The following ATXN7L3 variants were observed in gnomAD, a reference collection of about 807,000 sequenced individuals.
ATXN7L3 encodes the protein ataxin 7 like 3, also known as ataxin-7-like protein 3.
In ATXN7L3, 6 loss-of-function variants were observed where a neutral mutation model predicts 50.0. The observed-to-expected ratio is 0.12, with a 90% confidence interval of 0.07 to 0.24. ATXN7L3 has a LOEUF of 0.24. Ranked by LOEUF, ATXN7L3 falls within the 10% of genes least tolerant of loss-of-function variation. The pLI is 1.00. For missense variants in ATXN7L3, 322 were observed against 451.3 expected (o/e 0.71, Z 2.60); for synonymous variants, 198 against 165.8 (o/e 1.19, Z -1.49).
At chr17:44,196,843 G>A in intron 5 of ATXN7L3, 86 bp downstream of exon 5, 2 of 860,080 alleles carry the variant, frequency 2.3e-6, no homozygotes, top group Non-Finnish European at 1.9e-6. Context: ...CATCATTCAA[G>A]GCAACAATTT....
Position 44,192,682 on chromosome 17 carries a change from A to T in ATXN7L3, c.*1581T>A, listed in dbSNP as rs967517437. On this transcript the variant is annotated 3_prime_UTR_variant, in exon 13 of 13. Coordinates refer to ENST00000587097, the MANE Select transcript of ATXN7L3 (RefSeq NM_001382309.1). ...AAAATAATCACAATTTGTGGGTTAA[A>T]AACCAATTTGCAACCAGGCATGAGC... 2 of 152,200 alleles carry T rather than the reference A, an allele frequency of 1.3e-5. No individual in the cohort carries two copies. Among genetic ancestry groups the T allele is most frequent in the African/African-American group, 4.8e-5 (2 of 41,456 alleles). 9.4% of individuals were successfully genotyped at this position (152,200 alleles called of 1,614,324 possible).
Position 44,199,727 on chromosome 17 carries a change from A to C in ATXN7L3, c.-292T>G, listed in dbSNP as rs1457785726. On this transcript the variant is annotated 5_prime_UTR_variant, in exon 1 of 13. Coordinates refer to ENST00000587097, the MANE Select transcript of ATXN7L3 (RefSeq NM_001382309.1). ...GTCCCGTCGCCGCCTCCTCCTCCTC[A>C]CCTCACCCCGCCCGCGCGCAGTCCG... is the stretch of plus-strand genomic sequence containing the variant. 15 of 81,372 alleles carry C rather than the reference A, an allele frequency of 1.8e-4. No homozygotes were observed. The highest frequency in any genetic ancestry group is 3.7e-4 in the East Asian group (1 of 2,710). The allele number at this position is 81,372 out of a possible 1,614,324, so 5.0% of individuals were successfully genotyped here. A position where few individuals can be genotyped will look rare whatever the true frequency, so the allele number is the denominator to read the frequency against.
In ATXN7L3 at chr17:44,194,069, G is replaced by A; in HGVS notation, c.*194C>T. The A allele has an allele frequency of 3.0e-6, 2 of 669,474 alleles. No individual in the cohort carries two copies. The highest frequency in any genetic ancestry group is 5.0e-6 in the Non-Finnish European group (2 of 397,570). 41.5% of individuals were successfully genotyped at this position (669,474 alleles called of 1,614,324 possible). ...ATATGTCCAGGTCTGAGTCCTGCAC[G>A]CCGAGGAGTCGTGCTCCATTGCAGA... On this transcript the variant is annotated 3_prime_UTR_variant, in exon 13 of 13. Transcript: ENST00000587097.
At chr17:44,197,169 C>T in intron 4 of ATXN7L3, 59 bp downstream of exon 4, 2 of 1,568,970 alleles carry the variant, frequency 1.3e-6, no homozygotes, top group Middle Eastern at 2.1e-4. Flanking sequence ...TTCCCAATGC[C>T]CCCGGGGGAC....
intron 6 of ATXN7L3, 147 bp from the exon 7 acceptor site, chr17:44,196,226 T>TCCCCCCC: frequency 1.4e-6 from 1 of 737,704 alleles, no homozygotes; most frequent in Non-Finnish European, 2.1e-6. Flanking sequence ...CCATGTGCCC[T>TCCCCCCC]CCCCCACCCC....
At position 44,192,715 on chromosome 17, in the gene ATXN7L3, A is replaced by G. The variant is rs2055737777; in HGVS notation, c.*1548T>C. 1 of 152,272 alleles carries G rather than the reference A, an allele frequency of 6.6e-6. No individual in the cohort carries two copies. Among genetic ancestry groups the G allele is most frequent in the Non-Finnish European group, 1.5e-5 (1 of 68,066 alleles). 9.4% of individuals were successfully genotyped at this position (152,272 alleles called of 1,614,324 possible). A position where few individuals can be genotyped will look rare whatever the true frequency, so the allele number is the denominator to read the frequency against. On this transcript the variant is annotated 3_prime_UTR_variant, in exon 13 of 13. Transcript: ENST00000587097. ...TTGCAACCAGGCATGAGCCACAATC[A>G]GAACCACCCCAGCGGGAGAGCGGAG...
intron 9 of ATXN7L3, 70 bp from the exon 10 acceptor site, chr17:44,195,210 G>C (rs150938582): frequency 6.5e-7 from 1 of 1,534,502 alleles, no homozygotes; most frequent in African/African-American, 1.4e-5. Context: ...GTTTCTTTCT[G>C]TATAAATGCT....
At chr17:44,195,692 G>A (rs1470169506) in intron 8 of ATXN7L3, 108 bp downstream of exon 8, 1 of 1,293,850 alleles carries the variant, frequency 7.7e-7, no homozygotes, top group Non-Finnish European at 1.1e-6. Context: ...GATCCAAATA[G>A]CTCATCAGTG....
chr17:44,196,188 C>T, intron 6 of ATXN7L3, 109 bp from the exon 7 acceptor site: 3 of 1,372,468 alleles, frequency 2.2e-6, no homozygotes, highest in Non-Finnish European at 3.1e-6. Flanking sequence ...AATTCCTACT[C>T]TTCCTCCCCA....
At chr17:44,196,115 T>TA in intron 6 of ATXN7L3, 36 bp from the exon 7 acceptor site, 1 of 1,603,178 alleles carries the variant, frequency 6.2e-7, no homozygotes, top group Non-Finnish European at 8.5e-7. Flanking sequence ...GGGGAAAGGG[T>TA]AACGAAAAGG....
chr17:44,197,966 C>T, intron 2 of ATXN7L3, 54 bp downstream of exon 2: 8 of 1,584,942 alleles, frequency 5.0e-6, no homozygotes, highest in East Asian at 2.2e-5. Context: ...CCAGATACAG[C>T]GACGTAGAGA....
chr17:44,198,452 G>A (rs1388950848), intron 1 of ATXN7L3: 3 of 207,122 alleles, frequency 1.4e-5, no homozygotes, highest in Non-Finnish European at 2.9e-5. Flanking sequence ...GGAGGAGAAG[G>A]AACTCCAAGG....
chr17:44,195,543 G>C (rs2055853641), intron 8 of ATXN7L3, 56 bp from the exon 9 acceptor site: 1 of 1,538,974 alleles, frequency 6.5e-7, no homozygotes, highest in Non-Finnish European at 9.0e-7. Flanking sequence ...GAGAAGGACA[G>C]GGGTGGAAGT....
At position 44,195,786 on chromosome 17, in the gene ATXN7L3, C is replaced by G; in HGVS notation, c.552+14G>C. The G allele has an allele frequency of 1.9e-6, 3 of 1,599,246 alleles. No homozygotes were observed. Among genetic ancestry groups the G allele is most frequent in the Non-Finnish European group, 2.6e-6 (3 of 1,166,836 alleles). ...GGACAATGAGAGCAAGCATGAGGGG[C>G]GGCCCATACTCACCTTAAAAGGATC... is the stretch of plus-strand genomic sequence containing the variant. On this transcript the variant is annotated intron_variant, in intron 8 of 12. Transcript: ENST00000587097.
chr17:44,198,140 CGGGGGT>C lies in ATXN7L3; in HGVS notation c.-60-16_-60-11del. 3 of 1,499,170 alleles carry C rather than the reference CGGGGGT, an allele frequency of 2.0e-6. No individual in the cohort carries two copies. Among genetic ancestry groups the C allele is most frequent in the Non-Finnish European group, 2.8e-6 (3 of 1,081,988 alleles). The allele number at this position is 1,499,170 out of a possible 1,614,324, so 92.9% of individuals were successfully genotyped here. ...GCGGGCGGCAACACGGCTGCACACACGGGGGTGGGGGTGTTGTTGTGAGTCCAAGGC... is the reference window on the plus strand; with the variant it reads ...GCGGGCGGCAACACGGCTGCACACACGGGGGTGTTGTTGTGAGTCCAAGGC... On this transcript the variant is annotated splice_polypyrimidine_tract_variant and intron_variant, in intron 1 of 12. Coordinates refer to ENST00000587097, the MANE Select transcript of ATXN7L3 (RefSeq NM_001382309.1).
At chr17:44,197,113 A>C in intron 4 of ATXN7L3, 87 bp from the exon 5 acceptor site, 10 of 1,549,808 alleles carry the variant, frequency 6.5e-6, no homozygotes, top group Non-Finnish European at 8.9e-6. Flanking sequence ...CCAACTTCAG[A>C]AGCAGGTGGA....
rs1250520179 is a variant in ATXN7L3, at chr17:44,197,221, C to G, written c.356+7G>C. On this transcript the variant is annotated splice_region_variant and intron_variant, in intron 4 of 12. Transcript: ENST00000587097. Reference sequence around the variant, plus strand: ...CTGCAGAGAACGGGCAGCTCTGGTTCCCTCACCGGCGGTTGGCGATTCGGC... The same window carrying G: ...CTGCAGAGAACGGGCAGCTCTGGTTGCCTCACCGGCGGTTGGCGATTCGGC... 6.3e-7 allele frequency: 1 copy of G among 1,586,346 alleles called. No individual in the cohort carries two copies. Among genetic ancestry groups the G allele is most frequent in the Admixed American group, 1.7e-5 (1 of 58,580 alleles).
chr17:44,194,504 C>T lies in ATXN7L3; in HGVS notation c.895+13G>A, dbSNP rs376483006. 6.2e-7 allele frequency: 1 copy of T among 1,613,400 alleles called. No homozygotes were observed. Among genetic ancestry groups the T allele is most frequent in the African/African-American group, 1.3e-5 (1 of 74,926 alleles). ...TGGGCACAGAGCCCCTAGGGCCCAACTGCATCACGTACCTAGACCCCATCC... is the reference window on the plus strand; with the variant it reads ...TGGGCACAGAGCCCCTAGGGCCCAATTGCATCACGTACCTAGACCCCATCC... On this transcript the variant is annotated intron_variant, in intron 12 of 12. Coordinates refer to ENST00000587097, the MANE Select transcript of ATXN7L3 (RefSeq NM_001382309.1).
chr17:44,197,020 G>A lies in ATXN7L3; in HGVS notation c.363C>T (p.Ala121=), dbSNP rs1393870818. The change falls in exon 5 of 13, where the codon GCC becomes GCT. Residue 121 remains alanine (A), a synonymous_variant. Coordinates refer to ENST00000587097, the MANE Select transcript of ATXN7L3 (RefSeq NM_001382309.1). ...NSSRIANRRI[A]NSNNMNKSES... is the part of the protein sequence containing the mutation. ...CAGACTTATTCATATTGTTGCTATT[G>A]GCAATCCTGCCAAGGGGAGGGAAGA... 1 of 1,610,904 alleles carries A rather than the reference G, an allele frequency of 6.2e-7. No homozygotes were observed. Among genetic ancestry groups the A allele is most frequent in the African/African-American group, 1.3e-5 (1 of 74,696 alleles).
Sources: gnomAD v4.1 joint callset for allele counts on GRCh38, gnomAD v4.1.1 for gene constraint, MANE v1.5 for transcripts, NCBI Gene and HGNC (gene_info 2026-07-23, HGNC 2026-07-21) for gene names.